PTPRK: variants seen among roughly 807,000 people sequenced by gnomAD.
PTPRK encodes protein tyrosine phosphatase receptor type K.
PTPRK carries 75 observed loss-of-function variants against 178.0 expected under a neutral mutation model. The observed-to-expected ratio is 0.42, with a 90% CI of 0.35 to 0.51. PTPRK has a LOEUF of 0.51. PTPRK is among the 20% of genes least tolerant of loss of function. The pLI, the probability that PTPRK is intolerant of heterozygous loss-of-function variation, is 0.02. For synonymous variants in PTPRK, 637 were observed against 620.6 expected (o/e 1.03, Z -0.39); for missense variants, 1,441 against 1,797.8 (o/e 0.80, Z 3.59).
rs187656216 is a variant in PTPRK at position 128,116,668 on chromosome 6, T to C, written c.1163-26676A>G. ...GTGGATTAGAGGAGAGTTGTGGAAT[T>C]TGTTATATTCCAATCTGGATCCACG... On this transcript the variant is annotated intron_variant, in intron 7 of 29. Transcript: ENST00000368226. Among the ~76,000 whole-genome samples the C allele has an allele frequency of 2.6e-5, 4 of 152,328 alleles. No homozygotes were observed. In the East Asian group the frequency reaches 7.7e-4, roughly 29 times the overall value.
At position 127,969,950 on chromosome 6, in the gene PTPRK, G is replaced by C; in HGVS notation, c.*277C>G. ...TGAGAAAAAAGGTGGCATGTTCACT[G>C]TACAAACACCAATACGTTCTCATTT... is the stretch of plus-strand genomic sequence containing the variant. On this transcript the variant is annotated 3_prime_UTR_variant, in exon 30 of 30. Transcript: ENST00000368226. 2 of 300,900 alleles carry C rather than the reference G, an allele frequency of 6.6e-6. No homozygotes were observed. Among genetic ancestry groups the C allele is most frequent in the Non-Finnish European group, 1.2e-5 (2 of 164,764 alleles). 18.6% of individuals were successfully genotyped at this position (300,900 alleles called of 1,614,324 possible).
At chr6:128,005,507 T>G (rs1778312529) in intron 14 of PTPRK, among the ~76,000 whole-genome samples, 1 of 151,124 alleles carries the variant, frequency 6.6e-6, no homozygotes, top group Non-Finnish European at 1.5e-5. Flanking sequence ...TTCTCTTAAA[T>G]ATCATAAAAT....
At chr6:128,223,717 C>T (rs1279215017) in intron 5 of PTPRK, among the ~76,000 whole-genome samples, 1 of 152,128 alleles carries the variant, frequency 6.6e-6, no homozygotes, top group Non-Finnish European at 1.5e-5. Context: ...TCTGTGGCTT[C>T]TCTCTCTTAT....
At chr6:128,130,346 C>T (rs186898383) in intron 7 of PTPRK, among the ~76,000 whole-genome samples, 112 of 152,216 alleles carry the variant, frequency 7.4e-4, no homozygotes, top group African/African-American at 2.3e-3. Flanking sequence ...ATCAAGAATA[C>T]GAGACATACT....
chr6:127,983,320 A>C lies in PTPRK; in HGVS notation c.3309T>G (p.Ala1103=), dbSNP rs772218480. The C allele has an allele frequency of 4.3e-6, 7 of 1,613,608 alleles. No individual in the cohort carries two copies. Among genetic ancestry groups the C allele is most frequent in the Non-Finnish European group, 5.9e-6 (7 of 1,179,678 alleles). ...AAATATCAACAACACCCTCTCTTTC[A>C]GCCATGTCTAGCATGATGTCAATCA... is the stretch of plus-strand genomic sequence containing the variant. ...YIVIDIMLDM[A]EREGVVDIYN... is the part of the protein sequence containing the mutation. The change falls in exon 23 of 30, where the codon GCT becomes GCG. Residue 1103 remains alanine, a synonymous_variant. Transcript: ENST00000368226.
intron 5 of PTPRK, among the ~76,000 whole-genome samples, chr6:128,219,791 G>T (rs1562813552): frequency 6.6e-6 from 1 of 152,178 alleles, no homozygotes; most frequent in Non-Finnish European, 1.5e-5. Flanking sequence ...GCTGTAGTAT[G>T]TTTTTCCCCA....
intron 13 of PTPRK, among the ~76,000 whole-genome samples, chr6:128,048,672 G>C (rs1180060469): frequency 6.6e-6 from 1 of 152,164 alleles, no homozygotes. Flanking sequence ...TGCATCCGAA[G>C]AGTCAAACAA....
chr6:128,421,614 A>T (rs1286659027), intron 1 of PTPRK, among the ~76,000 whole-genome samples: 1 of 152,226 alleles, frequency 6.6e-6, no homozygotes, highest in East Asian at 1.9e-4. Flanking sequence ...CATTTCAGGA[A>T]GGAAGGACTC....
At chr6:128,111,575 G>GTACCTATACAT (rs1401145882) in intron 7 of PTPRK, among the ~76,000 whole-genome samples, 9 of 151,726 alleles carry the variant, frequency 5.9e-5, no homozygotes, top group Non-Finnish European at 1.0e-4. Context: ...ATCTGGAAAT[G>GTACCTATACAT]TAGTTTTATG....
intron 11 of PTPRK, among the ~76,000 whole-genome samples, chr6:128,069,645 T>C (rs1227156955): frequency 6.6e-6 from 1 of 152,132 alleles, no homozygotes; most frequent in African/African-American, 2.4e-5. Flanking sequence ...CCCTAAAGAA[T>C]AATAATAATT....
At chr6:128,269,039 C>T (rs1819383167) in intron 3 of PTPRK, among the ~76,000 whole-genome samples, 1 of 151,860 alleles carries the variant, frequency 6.6e-6, no homozygotes, top group Admixed American at 6.6e-5. Context: ...TGGCTTTCCA[C>T]CAATAAATTG....
chr6:128,507,764 T>C (rs369140721), intron 1 of PTPRK, among the ~76,000 whole-genome samples: 13 of 152,280 alleles, frequency 8.5e-5, no homozygotes, highest in African/African-American at 1.7e-4. Flanking sequence ...TAAATGCACA[T>C]TGACATACAC....
chr6:128,439,681 T>A (rs1327223461), intron 1 of PTPRK, among the ~76,000 whole-genome samples: 1 of 152,216 alleles, frequency 6.6e-6, no homozygotes, highest in Non-Finnish European at 1.5e-5. Flanking sequence ...CCCTAATTAG[T>A]CTTCCAAAAG....
intron 1 of PTPRK, among the ~76,000 whole-genome samples, chr6:128,432,745 AACACACACAC>A (rs4053237): frequency 1.4e-5 from 2 of 146,276 alleles, no homozygotes; most frequent in South Asian, 2.2e-4. Flanking sequence ...TGTGTTCACA[AACACACACAC>A]ACACACACAC....
intron 3 of PTPRK, among the ~76,000 whole-genome samples, chr6:128,316,163 G>A (rs1051252546): frequency 1.4e-4 from 22 of 152,254 alleles, no homozygotes; most frequent in Non-Finnish European, 1.8e-4. Context: ...AATTAATAAA[G>A]AAGTATGCAA....
At chr6:128,119,206 G>C (rs1427866350) in intron 7 of PTPRK, among the ~76,000 whole-genome samples, 1 of 149,664 alleles carries the variant, frequency 6.7e-6, no homozygotes, top group East Asian at 1.9e-4. Context: ...AAAAACATAA[G>C]TTAAAAAAAC....
In PTPRK at chr6:128,018,086, A is replaced by T. The variant is rs1357667147; in HGVS notation, c.2195-8818T>A. On this transcript the variant is annotated intron_variant, in intron 13 of 29. Coordinates refer to ENST00000368226, the MANE Select transcript of PTPRK (RefSeq NM_002844.4). ...TTCCCATAACCCAAATAAAAATTGT[A>T]TTGCAAATATTTCTCAGCAAGTCTA... Among the ~76,000 whole-genome samples the T allele has an allele frequency of 2.0e-5, 3 of 151,724 alleles. No individual in the cohort carries two copies. In the East Asian group the frequency reaches 5.8e-4, roughly 29 times the overall value.
intron 14 of PTPRK, chr6:128,007,947 T>C (rs577552280): frequency 2.6e-6 from 2 of 778,806 alleles, no homozygotes; most frequent in Admixed American, 2.6e-5. Context: ...TCACATATGA[T>C]GTATTTTCCA....
chr6:128,417,304 T>C (rs1328787874), intron 1 of PTPRK, among the ~76,000 whole-genome samples: 1 of 152,178 alleles, frequency 6.6e-6, no homozygotes, highest in Non-Finnish European at 1.5e-5. Flanking sequence ...ATGAAAGTCA[T>C]GCCTAGGAAG....
Sources: allele counts gnomAD v4.1 joint callset (sites outside exome capture counted in the v4.1 genomes callset), GRCh38; gene constraint gnomAD v4.1.1; transcripts MANE v1.5; gene names NCBI Gene and HGNC (gene_info 2026-07-23, HGNC 2026-07-21).